FAM171A1: variants seen among roughly 807,000 people sequenced by gnomAD.
FAM171A1 encodes the protein protein FAM171A1.
Under a neutral mutation model 74.9 loss-of-function variants are expected in FAM171A1, and 23 were observed. That is an observed-to-expected ratio of 0.31 (90% CI 0.22 to 0.44). The LOEUF is 0.44. Among genes scored for constraint, FAM171A1 ranks in the 20% least tolerant of loss-of-function variants. The probability of loss-of-function intolerance (pLI) is 1.00; values close to 1 mark genes in which losing one functional copy is unlikely to be tolerated. For synonymous variants in FAM171A1, 527 were observed against 505.7 expected (o/e 1.04, Z -0.57); for missense variants, 1,162 against 1,159.2 (o/e 1.00, Z -0.03).
intron 1 of FAM171A1, among the ~76,000 whole-genome samples, chr10:15,346,691 C>T (rs936184616): frequency 1.2e-4 from 19 of 152,114 alleles, no homozygotes; most frequent in African/African-American, 3.6e-4. Flanking sequence ...ATGAGTGTTT[C>T]AAGAGGTATG....
At chr10:15,268,920 T>G (rs1342085991) in intron 3 of FAM171A1, among the ~76,000 whole-genome samples, 1 of 152,100 alleles carries the variant, frequency 6.6e-6, no homozygotes, top group Non-Finnish European at 1.5e-5. Context: ...TGCTTGCCTG[T>G]AATCCCAGCT....
At chr10:15,225,473 CGTGTT>C (rs1564615238) in intron 5 of FAM171A1, among the ~76,000 whole-genome samples, 1 of 152,146 alleles carries the variant, frequency 6.6e-6, no homozygotes. Context: ...TCATGCTTTC[CGTGTT>C]TTGTGGGAGG....
chr10:15,321,708 T>C, intron 1 of FAM171A1, among the ~76,000 whole-genome samples: 1 of 152,178 alleles, frequency 6.6e-6, no homozygotes, highest in African/African-American at 2.4e-5. Flanking sequence ...AAAAGAAAGC[T>C]GAGGCTTCCA....
At chr10:15,302,536 C>T (rs1238923997) in intron 1 of FAM171A1, among the ~76,000 whole-genome samples, 6 of 151,756 alleles carry the variant, frequency 4.0e-5, no homozygotes, top group African/African-American at 1.2e-4. Context: ...AAAAGAAACC[C>T]CATGTCATTC....
intron 3 of FAM171A1, among the ~76,000 whole-genome samples, chr10:15,269,069 C>A (rs1206917531): frequency 7.4e-6 from 1 of 134,738 alleles, no homozygotes; most frequent in African/African-American, 2.8e-5. Flanking sequence ...AACAAACAAA[C>A]AAAGCCAGGA....
intron 5 of FAM171A1, among the ~76,000 whole-genome samples, chr10:15,229,347 C>T (rs181224195): frequency 8.5e-5 from 13 of 152,214 alleles, no homozygotes; most frequent in South Asian, 4.2e-4. Context: ...AGCACTAGCT[C>T]GTTTGAGGAA....
Position 15,213,479 on chromosome 10 carries a change from C to T in FAM171A1, c.2109G>A (p.Pro703=), listed in dbSNP as rs752369807. ...AGGAGACGAACCACGCCCGGGGGTGCGGAAGCGGCTTCCCACCCCCAAGCT... is the reference window on the plus strand; with the variant it reads ...AGGAGACGAACCACGCCCGGGGGTGTGGAAGCGGCTTCCCACCCCCAAGCT... ...LMELGGGKPL[P]HPRAWFVSLD... Residue 703 remains proline (P), a synonymous_variant, in exon 8 of 8, where the codon CCG becomes CCA. Coordinates refer to ENST00000378116, the MANE Select transcript of FAM171A1 (RefSeq NM_001010924.2). The surrounding 1 kb of genome is among the most constrained non-coding windows in gnomAD (Gnocchi z 6.8). The T allele has an allele frequency of 1.2e-5, 19 of 1,613,970 alleles. No homozygotes were observed. The South Asian group carries it at 1.5e-4, about 13-fold the overall frequency.
At chr10:15,331,859 G>GTGTATATATA (rs60559617) in intron 1 of FAM171A1, among the ~76,000 whole-genome samples, 16 of 44,918 alleles carry the variant, frequency 3.6e-4, no homozygotes, top group African/African-American at 7.0e-4. Context: ...ATATATGTGT[G>GTGTATATATA]TATATATATG....
chr10:15,263,544 A>T lies in FAM171A1; in HGVS notation c.419-8665T>A, dbSNP rs141778817. On this transcript the variant is annotated intron_variant, in intron 3 of 7. Coordinates refer to ENST00000378116, the MANE Select transcript of FAM171A1 (RefSeq NM_001010924.2). ...CTGAGCGCATTTTCAGATATAGTCT[A>T]CGTGGGGGAATATCCCTCTTGTTGA... Among the ~76,000 whole-genome samples the T allele has an allele frequency of 2.5e-3, 387 of 152,346 alleles. 2 individuals are homozygous for T. The highest frequency in any genetic ancestry group is 9.1e-3 in the African/African-American group (377 of 41,584).
intron 5 of FAM171A1, among the ~76,000 whole-genome samples, chr10:15,235,320 A>C (rs906084071): frequency 6.6e-6 from 1 of 151,466 alleles, no homozygotes; most frequent in Non-Finnish European, 1.5e-5. Context: ...AAAAAAAAAA[A>C]AAAAAAAAAC....
intron 5 of FAM171A1, among the ~76,000 whole-genome samples, chr10:15,247,759 C>T (rs1157612778): frequency 1.6e-4 from 25 of 152,152 alleles, no homozygotes; most frequent in Admixed American, 1.6e-3. Context: ...AGGTGTCAGC[C>T]ACCACACCCA....
intron 2 of FAM171A1, among the ~76,000 whole-genome samples, chr10:15,279,408 C>T (rs1834937508): frequency 6.6e-6 from 1 of 152,154 alleles, no homozygotes; most frequent in Non-Finnish European, 1.5e-5. Flanking sequence ...TCAAGCAGTG[C>T]CCAGGTGGGT....
chr10:15,321,783 C>G (rs1667373424), intron 1 of FAM171A1, among the ~76,000 whole-genome samples: 1 of 152,204 alleles, frequency 6.6e-6, no homozygotes. Flanking sequence ...CATATCATTA[C>G]AAGCTCATAA....
At chr10:15,350,167 A>C (rs1272274104) in intron 1 of FAM171A1, among the ~76,000 whole-genome samples, 1 of 152,126 alleles carries the variant, frequency 6.6e-6, no homozygotes, top group Non-Finnish European at 1.5e-5. Flanking sequence ...GAAAACAAAC[A>C]AACAAATAAA....
At chr10:15,358,334 A>G (rs1163361796) in intron 1 of FAM171A1, among the ~76,000 whole-genome samples, 1 of 152,106 alleles carries the variant, frequency 6.6e-6, no homozygotes, top group African/African-American at 2.4e-5. Flanking sequence ...AATACCAAAT[A>G]AATACTGGTA....
rs200822822 is a variant in FAM171A1 at position 15,214,593 on chromosome 10, C to T, written c.995G>A (p.Cys332Tyr). The change falls in exon 8 of 8, where the codon TGC becomes TAC. Residue 332 changes from cysteine (C) to tyrosine (Y), a missense_variant. Coordinates refer to ENST00000378116, the MANE Select transcript of FAM171A1 (RefSeq NM_001010924.2). The part of the protein sequence containing the change: ...CLLLYYCRRK[C>Y]LKPRQHHRKL... ...TCTGTGGTGCTGACGAGGTTTCAAG[C>T]ACTTCCTCCTGCGCCCAAAGACACA... The T allele has an allele frequency of 5.0e-6, 8 of 1,587,686 alleles. No individual in the cohort carries two copies. The Admixed American group carries it at 9.0e-5, about 18-fold the overall frequency.
rs537012402 is a variant in FAM171A1 at position 15,307,722 on chromosome 10, A to C, written c.98-23617T>G. Among the ~76,000 whole-genome samples the C allele has an allele frequency of 2.8e-4, 42 of 150,820 alleles. 1 individual carries two copies. In the South Asian group the frequency reaches 8.6e-3, roughly 31 times the overall value. On this transcript the variant is annotated intron_variant, in intron 1 of 7. Transcript: ENST00000378116. ...GTTCTACCACCACAAAACCATGGGT[A>C]TATTCTTCCAATACTGTGATGTTTC...
chr10:15,321,418 C>T (rs1835485283), intron 1 of FAM171A1, among the ~76,000 whole-genome samples: 1 of 152,176 alleles, frequency 6.6e-6, no homozygotes, highest in Non-Finnish European at 1.5e-5. Context: ...AAACACTTAA[C>T]AATGAGAAGT....
intron 1 of FAM171A1, among the ~76,000 whole-genome samples, chr10:15,314,206 T>C (rs757000207): frequency 6.6e-6 from 1 of 152,066 alleles, no homozygotes; most frequent in East Asian, 1.9e-4. Context: ...TGTGTTATTA[T>C]AACAAAGGGC....
Sources: gnomAD v4.1 joint callset for allele counts (sites outside exome capture counted in the v4.1 genomes callset) on GRCh38, gnomAD v4.1.1 for gene constraint, Gnocchi (gnomAD v3.1) non-coding constraint, MANE v1.5 for transcripts, NCBI Gene and HGNC (gene_info 2026-07-23, HGNC 2026-07-21) for gene names.